The following RARB variants were observed in gnomAD, a reference collection of about 807,000 sequenced individuals.
RARB encodes retinoic acid receptor beta, also known as HBV-activated protein.
A neutral mutation model predicts 51.9 loss-of-function variants in RARB; 17 were observed. The ratio of observed to expected loss-of-function variants is 0.33; its 90% CI spans 0.22 to 0.49. The LOEUF is 0.49. RARB is among the 20% of genes least tolerant of loss of function. RARB has a pLI of 0.99. For missense variants in RARB, 369 were observed against 550.8 expected (o/e 0.67, Z 3.30); for synonymous variants, 215 against 195.4 (o/e 1.10, Z -0.84).
At chr3:25,491,057 T>C (rs1696709579) in intron 2 of RARB, among the ~76,000 whole-genome samples, 1 of 152,198 alleles carries the variant, frequency 6.6e-6, no homozygotes, top group Non-Finnish European at 1.5e-5. Context: ...ACAGAAATTC[T>C]TTGGGTAACT....
chr3:25,302,732 TA>T (rs1381806682), intron 5 of RARB, among the ~76,000 whole-genome samples: 1 of 152,222 alleles, frequency 6.6e-6, no homozygotes, highest in Non-Finnish European at 1.5e-5. Context: ...AGTTGTATAC[TA>T]TGAAAGGGTG....
chr3:25,293,618 A>AAAAAAAAAAAAAAAAAAG (rs1703844602), intron 5 of RARB, among the ~76,000 whole-genome samples: 1 of 145,508 alleles, frequency 6.9e-6, no homozygotes, highest in Non-Finnish European at 1.5e-5. Context: ...AAAAAAAAAA[A>AAAAAAAAAAAAAAAAAAG]GTTCAGAGAT....
At chr3:25,479,926 G>A (rs1273415897) in intron 2 of RARB, among the ~76,000 whole-genome samples, 1 of 152,166 alleles carries the variant, frequency 6.6e-6, no homozygotes, top group Non-Finnish European at 1.5e-5. Context: ...AAAAGAACTT[G>A]AATGACCCAC....
chr3:25,108,863 A>G (rs1450699219), intron 3 of RARB, among the ~76,000 whole-genome samples: 1 of 152,192 alleles, frequency 6.6e-6, no homozygotes, highest in Non-Finnish European at 1.5e-5. Context: ...TCATTGTGTC[A>G]TAGCAGTATT....
At chr3:25,112,316 C>G (rs913334467) in intron 3 of RARB, among the ~76,000 whole-genome samples, 1 of 152,090 alleles carries the variant, frequency 6.6e-6, no homozygotes, top group Non-Finnish European at 1.5e-5. Flanking sequence ...AGTACAGCAG[C>G]GGCAGCATCA....
intron 1 of RARB, among the ~76,000 whole-genome samples, chr3:24,852,585 A>T (rs1248275904): frequency 1.3e-5 from 2 of 152,248 alleles, no homozygotes; most frequent in Non-Finnish European, 2.9e-5. Context: ...TATTCATAAT[A>T]GCCCAACAAA....
rs1161956011 is a variant in RARB at position 25,081,586 on chromosome 3, C to CATATAT, written c.-328+21441_-328+21446dup. ...CTTTTGCTAGTGTTTGCTTCATATACATATATATATATATATATATATATA... is the reference window on the plus strand; with the variant it reads ...CTTTTGCTAGTGTTTGCTTCATATACATATATATATATATATATATATATATATATA... On this transcript the variant is annotated intron_variant, in intron 3 of 11. Transcript: ENST00000383772. 3.6e-3 allele frequency among the ~76,000 whole-genome samples: 70 copies of CATATAT among 19,624 alleles called. 2 individuals are homozygous for CATATAT. Among genetic ancestry groups the CATATAT allele is most frequent in the African/African-American group, 4.6e-3 (22 of 4,754 alleles). The allele number at this position is 19,624 out of a possible 152,430, so 12.9% of individuals were successfully genotyped here.
At chr3:25,545,676 T>C (rs1326166492) in intron 3 of RARB, among the ~76,000 whole-genome samples, 1 of 152,146 alleles carries the variant, frequency 6.6e-6, no homozygotes, top group Admixed American at 6.5e-5. Context: ...AGCTCCTCCC[T>C]GGGTAGCTAC....
At chr3:25,449,879 G>A (rs1375702790) in intron 1 of RARB, among the ~76,000 whole-genome samples, 1 of 151,770 alleles carries the variant, frequency 6.6e-6, no homozygotes, top group African/African-American at 2.4e-5. Context: ...AGCCTCCCGA[G>A]TAACTGAGAT....
At chr3:25,360,091 T>C (rs1705880461) in intron 5 of RARB, among the ~76,000 whole-genome samples, 1 of 152,202 alleles carries the variant, frequency 6.6e-6, no homozygotes, top group East Asian at 1.9e-4. Flanking sequence ...AGTTTCCCAA[T>C]ATTATTGTGT....
intron 3 of RARB, among the ~76,000 whole-genome samples, chr3:25,121,323 C>T (rs1699780085): frequency 2.0e-5 from 3 of 152,034 alleles, no homozygotes; most frequent in Admixed American, 1.3e-4. Flanking sequence ...ACCAGAGAAG[C>T]CATAAAGAAC....
chr3:25,112,261 C>T (rs1699615066), intron 3 of RARB, among the ~76,000 whole-genome samples: 1 of 152,056 alleles, frequency 6.6e-6, no homozygotes, highest in Admixed American at 6.6e-5. Flanking sequence ...TGAAAGACTC[C>T]ACCAAATATA....
chr3:24,884,218 G>T (rs1051615546), intron 2 of RARB, among the ~76,000 whole-genome samples: 10 of 152,186 alleles, frequency 6.6e-5, no homozygotes, highest in African/African-American at 2.4e-4. Flanking sequence ...CCAGTGTCCT[G>T]TGAATACCAC....
In RARB at chr3:25,068,133, C is replaced by CAA. The variant is rs55826425; in HGVS notation, c.-328+7999_-328+8000dup. ...TGGGCGACAGAGAGAGACTCCATCT[C>CAA]AAAAAAAAAAAAAAAAAAAAAAAAA... On this transcript the variant is annotated intron_variant, in intron 3 of 11. Coordinates refer to the RARB transcript ENST00000383772. 4.2e-3 allele frequency among the ~76,000 whole-genome samples: 141 copies of CAA among 33,266 alleles called. 21 individuals carry two copies. Among genetic ancestry groups the CAA allele is most frequent in the Non-Finnish European group, 5.9e-3 (112 of 18,832 alleles). 21.8% of individuals were successfully genotyped at this position (33,266 alleles called of 152,430 possible). A position where few individuals can be genotyped will look rare whatever the true frequency, so the allele number is the denominator to read the frequency against.
chr3:25,201,666 T>G (rs1701393680), intron 5 of RARB, among the ~76,000 whole-genome samples: 1 of 152,196 alleles, frequency 6.6e-6, no homozygotes, highest in Non-Finnish European at 1.5e-5. Context: ...GTCAAAGGCC[T>G]TTTCTGCATC....
Position 25,206,030 on chromosome 3 carries a change from C to G in RARB, c.178+31455C>G, listed in dbSNP as rs1171197435. 2.6e-5 allele frequency among the ~76,000 whole-genome samples: 4 copies of G among 152,126 alleles called. No individual in the cohort carries two copies. In the South Asian group the frequency reaches 6.2e-4, roughly 24 times the overall value. On this transcript the variant is annotated intron_variant, in intron 5 of 11. Coordinates refer to the RARB transcript ENST00000383772. ...AGGTAGACTAGGCTAAGCTATGATGCTTGGTAGATTAGCTGTATGACGTAT... is the reference window on the plus strand; with the variant it reads ...AGGTAGACTAGGCTAAGCTATGATGGTTGGTAGATTAGCTGTATGACGTAT...
intron 2 of RARB, among the ~76,000 whole-genome samples, chr3:25,024,151 A>C (rs2125286422): frequency 6.6e-6 from 1 of 152,288 alleles, no homozygotes; most frequent in South Asian, 2.1e-4. Flanking sequence ...CAAATTAGAA[A>C]ATTAGGTTAA....
chr3:25,597,801 G>A lies in RARB; in HGVS notation c.*1185G>A, dbSNP rs1701938470. 1 of 152,042 alleles carries A rather than the reference G, an allele frequency of 6.6e-6. No individual in the cohort carries two copies. Among genetic ancestry groups the A allele is most frequent in the Admixed American group, 6.6e-5 (1 of 15,250 alleles). The allele number at this position is 152,042 out of a possible 1,614,324, so 9.4% of individuals were successfully genotyped here. On this transcript the variant is annotated 3_prime_UTR_variant, in exon 8 of 8. Coordinates refer to ENST00000330688, the MANE Select transcript of RARB (RefSeq NM_000965.5). Reference sequence around the variant, plus strand: ...TTTTTTTTTTTTGATATATTAGCAAGTCTGTGATGTACTTTCACTGGCTCT... The same window carrying A: ...TTTTTTTTTTTTGATATATTAGCAAATCTGTGATGTACTTTCACTGGCTCT...
At chr3:25,080,626 A>G (rs533482651) in intron 3 of RARB, among the ~76,000 whole-genome samples, 44 of 152,148 alleles carry the variant, frequency 2.9e-4, no homozygotes, top group Non-Finnish European at 6.0e-4. Context: ...GTGATGCTAT[A>G]GATCATTGAG....
Sources: gnomAD v4.1 joint callset for allele counts (sites outside exome capture counted in the v4.1 genomes callset) on GRCh38, gnomAD v4.1.1 for gene constraint, MANE v1.5 for transcripts, NCBI Gene and HGNC (gene_info 2026-07-23, HGNC 2026-07-21) for gene names.